The following PKIB variants were observed in gnomAD, a reference collection of about 807,000 sequenced individuals.
PKIB encodes the protein cAMP-dependent protein kinase inhibitor beta.
PKIB carries 2 observed loss-of-function variants against 4.5 expected under a neutral mutation model. That is an observed-to-expected ratio of 0.44 (90% CI 0.18 to 1.39). The LOEUF (loss-of-function observed/expected upper bound fraction) is 1.39, where lower values mean the gene tolerates loss of function less well. PKIB is among the 40% of genes most tolerant of loss of function. The pLI, the probability that PKIB is intolerant of heterozygous loss-of-function variation, is 0.27. For missense variants in PKIB, 94 were observed against 92.6 expected (o/e 1.02, Z -0.06); for synonymous variants, 38 against 36.0 (o/e 1.06, Z -0.20).
At chr6:122,707,154 A>G (rs1779094627) in intron 3 of PKIB, among the ~76,000 whole-genome samples, 2 of 152,104 alleles carry the variant, frequency 1.3e-5, no homozygotes, top group Non-Finnish European at 2.9e-5. Context: ...AAATATTTCA[A>G]TTAGATGATT....
At chr6:122,565,968 C>A (rs1773178420) in intron 2 of PKIB, among the ~76,000 whole-genome samples, 1 of 152,118 alleles carries the variant, frequency 6.6e-6, no homozygotes, top group Non-Finnish European at 1.5e-5. Flanking sequence ...TAGGCAACAT[C>A]TTTTATGAGC....
chr6:122,685,758 T>A (rs1427513671), intron 3 of PKIB, among the ~76,000 whole-genome samples: 5 of 152,136 alleles, frequency 3.3e-5, no homozygotes, highest in Admixed American at 3.3e-4. Context: ...CTTTCTATAT[T>A]TTTTTGTACC....
At chr6:122,555,504 ACT>A (rs560737386) in intron 2 of PKIB, among the ~76,000 whole-genome samples, 89 of 152,298 alleles carry the variant, frequency 5.8e-4, no homozygotes, top group African/African-American at 2.1e-3. Flanking sequence ...AATTGAGAAA[ACT>A]CAACATTTAA....
chr6:122,677,842 T>TCTTCCTTC (rs66707245), intron 3 of PKIB, among the ~76,000 whole-genome samples: 93 of 141,208 alleles, frequency 6.6e-4, no homozygotes, highest in African/African-American at 2.1e-3. Flanking sequence ...AGCTTTCTTT[T>TCTTCCTTC]CTTCCTTCCT....
At chr6:122,545,422 A>C (rs1201116451) in intron 2 of PKIB, among the ~76,000 whole-genome samples, 1 of 151,908 alleles carries the variant, frequency 6.6e-6, no homozygotes, top group Non-Finnish European at 1.5e-5. Context: ...CTCACTTACA[A>C]GTGGGAGCTA....
intron 1 of PKIB, among the ~76,000 whole-genome samples, chr6:122,626,391 A>G (rs1775446758): frequency 6.6e-6 from 1 of 152,230 alleles, no homozygotes; most frequent in Non-Finnish European, 1.5e-5. Context: ...TAAGTCCTGC[A>G]GATAGTTGAA....
chr6:122,722,062 T>C (rs771971649), intron 4 of PKIB, among the ~76,000 whole-genome samples: 3 of 152,124 alleles, frequency 2.0e-5, no homozygotes, highest in Admixed American at 6.5e-5. Context: ...TTCGATTACA[T>C]TGAAAGCACT....
At chr6:122,521,439 G>A (rs956670832) in intron 2 of PKIB, among the ~76,000 whole-genome samples, 1 of 152,106 alleles carries the variant, frequency 6.6e-6, no homozygotes, top group Non-Finnish European at 1.5e-5. Flanking sequence ...TTAGCACTTT[G>A]GGAGGCTGAG....
intron 2 of PKIB, among the ~76,000 whole-genome samples, chr6:122,662,307 CCTT>C (rs1777029951): frequency 6.9e-5 from 1 of 14,514 alleles, no homozygotes; most frequent in African/African-American, 1.8e-4. Flanking sequence ...TTCCTTGTCT[CCTT>C]TTTTTTTTTT....
At chr6:122,511,801 G>T (rs563321186) in intron 2 of PKIB, among the ~76,000 whole-genome samples, 1 of 152,358 alleles carries the variant, frequency 6.6e-6, no homozygotes, top group South Asian at 2.1e-4. Context: ...TGGTTTAAAT[G>T]AATTTTCTTT....
chr6:122,718,276 A>T (rs1779581888), intron 4 of PKIB, among the ~76,000 whole-genome samples: 1 of 152,172 alleles, frequency 6.6e-6, no homozygotes, highest in Non-Finnish European at 1.5e-5. Context: ...ATGAGCTTTC[A>T]AGTTTATTAA....
chr6:122,574,532 A>C (rs1279493962), intron 2 of PKIB, among the ~76,000 whole-genome samples: 1 of 152,224 alleles, frequency 6.6e-6, no homozygotes, highest in Non-Finnish European at 1.5e-5. Context: ...TATAATTAGC[A>C]AAACAACATG....
chr6:122,722,169 A>C lies in PKIB; in HGVS notation c.170-2959A>C, dbSNP rs188152843. On this transcript the variant is annotated intron_variant, in intron 4 of 4. Coordinates refer to ENST00000368452, the MANE Select transcript of PKIB (RefSeq NM_181795.3). ...TCCTTTCATTAACATCACAATACAA[A>C]ATGTTTTCCTTTCATTAACATCACA... Among the ~76,000 whole-genome samples, 6 of 152,286 alleles carry C rather than the reference A, an allele frequency of 3.9e-5. No individual in the cohort carries two copies. The East Asian group carries it at 1.2e-3, about 29-fold the overall frequency.
At chr6:122,612,106 TTCC>T (rs1014800796) in intron 1 of PKIB, among the ~76,000 whole-genome samples, 1 of 152,216 alleles carries the variant, frequency 6.6e-6, no homozygotes, top group African/African-American at 2.4e-5. Flanking sequence ...TAAAGAGTTT[TTCC>T]TCCTTTTTAG....
chr6:122,559,072 C>G (rs991556838), intron 2 of PKIB, among the ~76,000 whole-genome samples: 3 of 152,120 alleles, frequency 2.0e-5, no homozygotes, highest in Non-Finnish European at 4.4e-5. Context: ...ACTGCAAATG[C>G]TGTTAATTCA....
rs375002764 is a variant in PKIB, at chr6:122,582,112, G to T, written c.-247-3809G>T. Among the ~76,000 whole-genome samples, 4 of 151,978 alleles carry T rather than the reference G, an allele frequency of 2.6e-5. No individual in the cohort carries two copies. In the East Asian group the frequency reaches 5.8e-4, roughly 22 times the overall value. ...CTTCTTGATGATAGATGAGGACTTT[G>T]TAGTTGCTTATTTTTTGTCATCTTT... On this transcript the variant is annotated intron_variant, in intron 2 of 6. Transcript: ENST00000392491.
chr6:122,633,758 T>A lies in PKIB; in HGVS notation c.-76+391T>A, dbSNP rs182541850. ...AATTCATACTGCCTATCAGGTCTTA[T>A]AAACTGACTGCTTTTCTTATTACTA... is the stretch of plus-strand genomic sequence containing the variant. On this transcript the variant is annotated intron_variant, in intron 2 of 4. Coordinates refer to ENST00000368452, the MANE Select transcript of PKIB (RefSeq NM_181795.3). 7.1e-3 allele frequency among the ~76,000 whole-genome samples: 1,087 copies of A among 152,306 alleles called. 5 individuals are homozygous for A. The highest frequency in any genetic ancestry group is 9.7e-3 in the Non-Finnish European group (659 of 68,006).
intron 1 of PKIB, among the ~76,000 whole-genome samples, chr6:122,613,182 A>G (rs939338000): frequency 9.9e-5 from 15 of 152,196 alleles, no homozygotes; most frequent in Non-Finnish European, 1.0e-4. Flanking sequence ...ATTGTATTTT[A>G]AGTGTTGAGA....
chr6:122,692,916 A>T (rs888289460), intron 3 of PKIB, among the ~76,000 whole-genome samples: 1 of 152,248 alleles, frequency 6.6e-6, no homozygotes, highest in African/African-American at 2.4e-5. Flanking sequence ...TTTGAATTTT[A>T]ATCTTGGCAA....
Sources: allele counts gnomAD v4.1 joint callset (sites outside exome capture counted in the v4.1 genomes callset), GRCh38; gene constraint gnomAD v4.1.1; transcripts MANE v1.5; gene names NCBI Gene and HGNC (gene_info 2026-07-23, HGNC 2026-07-21).